Variants in JMJD6 observed in about 807,000 individuals in gnomAD.
JMJD6 encodes the protein bifunctional arginine demethylase and lysyl-hydroxylase JMJD6.
Under a neutral mutation model 45.8 loss-of-function variants are expected in JMJD6, and 17 were observed. The observed-to-expected ratio is 0.37, with a 90% CI of 0.25 to 0.56. The LOEUF is 0.56. Among genes scored for constraint, JMJD6 ranks in the 20% least tolerant of loss-of-function variants. The probability of loss-of-function intolerance (pLI) is 0.79; values close to 1 mark genes in which losing one functional copy is unlikely to be tolerated. For synonymous variants in JMJD6, 221 were observed against 196.3 expected, an observed-to-expected ratio of 1.13 and a Z score of -1.05; for missense variants, 470 against 517.5, an observed-to-expected ratio of 0.91 and a Z score of 0.89.
intron 3 of JMJD6, among the ~76,000 whole-genome samples, chr17:76,723,400 T>G (rs570429285): frequency 1.3e-5 from 2 of 152,134 alleles, no homozygotes; most frequent in Non-Finnish European, 2.9e-5. Context: ...CTCTAACAGT[T>G]CTGCTCCAAA....
At chr17:76,720,217 T>C (rs1374125111) in intron 5 of JMJD6, 143 bp downstream of exon 5, 1 of 718,898 alleles carries the variant, frequency 1.4e-6, no homozygotes, top group Admixed American at 2.5e-5. Context: ...GCAGGAATGG[T>C]GACAACTGTG....
chr17:76,718,982 G>A lies in JMJD6; in HGVS notation c.1081-122C>T, dbSNP rs1383824635. The A allele has an allele frequency of 3.2e-6, 3 of 949,640 alleles. No individual in the cohort carries two copies. The East Asian group carries it at 8.1e-5, about 26-fold the overall frequency. The allele number at this position is 949,640 out of a possible 1,614,324, so 58.8% of individuals were successfully genotyped here. A position where few individuals can be genotyped will look rare whatever the true frequency, so the allele number is the denominator to read the frequency against. On this transcript the variant is annotated intron_variant, in intron 5 of 5. Coordinates refer to ENST00000397625, the MANE Select transcript of JMJD6 (RefSeq NM_015167.3). ...GTCACTTTCTCCCAAATGCAAAGCA[G>A]TCATTATGACAGCTCCACAATGTAG...
At chr17:76,720,680 C>G in intron 4 of JMJD6, 182 bp from the exon 5 acceptor site, 1 of 519,232 alleles carries the variant, frequency 1.9e-6, no homozygotes, top group Non-Finnish European at 3.5e-6. Context: ...AAACCCAATA[C>G]GGTGCCCATG....
At chr17:76,720,526 T>A in intron 4 of JMJD6, 28 bp from the exon 5 acceptor site, 1 of 1,610,990 alleles carries the variant, frequency 6.2e-7, no homozygotes. Flanking sequence ...TTGTTCTCAG[T>A]GCACTGACAG....
chr17:76,725,906 G>C, intron 1 of JMJD6, 51 bp from the exon 2 acceptor site: 1 of 1,462,562 alleles, frequency 6.8e-7, no homozygotes, highest in Non-Finnish European at 9.2e-7. Context: ...AAAAAGTCCA[G>C]TGGCAGATAA....
chr17:76,720,608 G>T, intron 4 of JMJD6, 110 bp from the exon 5 acceptor site: 1 of 1,072,498 alleles, frequency 9.3e-7, no homozygotes, highest in Non-Finnish European at 1.4e-6. Flanking sequence ...AATGCCAGGT[G>T]TGTCCGTTCA....
Position 76,726,362 on chromosome 17 carries a change from G to T in JMJD6, c.114C>A (p.Ser38Arg). 1 of 1,592,430 alleles carries T rather than the reference G, an allele frequency of 6.3e-7. No homozygotes were observed. The highest frequency in any genetic ancestry group is 1.1e-5 in the South Asian group (1 of 88,484). ...RHNYYESFSL[S>R]PAAVADNVER... ...ACCCGCTCACCGCCACGGCCGCCGG[G>T]CTCAGCGAGAAGCTCTCGTAGTAGT... is the stretch of plus-strand genomic sequence containing the variant. The change falls in exon 1 of 6, where the codon AGC becomes AGA. Residue 38 changes from serine (S) to arginine (R), a missense_variant. By Grantham distance (110) the Ser-to-Arg change is moderately radical. Transcript: ENST00000397625.
At chr17:76,718,997 C>G (rs531015551) in intron 5 of JMJD6, 137 bp from the exon 6 acceptor site, 1 of 818,430 alleles carries the variant, frequency 1.2e-6, no homozygotes, top group African/African-American at 1.7e-5. Flanking sequence ...TATGACAGCT[C>G]CACAATGTAG....
Position 76,718,673 on chromosome 17 carries a change from C to T in JMJD6, c.*56G>A. The T allele has an allele frequency of 6.3e-7, 1 of 1,588,106 alleles. No homozygotes were observed. The highest frequency in any genetic ancestry group is 8.6e-7 in the Non-Finnish European group (1 of 1,167,030). ...GCAGGACTGGACAGGCCACCCTCCC[C>T]AGGCCCTGCCCTTGCCGCGAGCGTG... On this transcript the variant is annotated 3_prime_UTR_variant, in exon 6 of 6. Transcript: ENST00000397625.
chr17:76,718,281 T>C (rs1423299126), downstream of JMJD6, among the ~76,000 whole-genome samples: 5 of 151,924 alleles, frequency 3.3e-5, no homozygotes, highest in African/African-American at 9.7e-5. Context: ...CGCCTCAGGT[T>C]CTGCAGAAGA....
downstream of JMJD6, chr17:76,715,825 A>T (rs1487095543): frequency 6.6e-6 from 1 of 152,272 alleles, no homozygotes; most frequent in Admixed American, 6.5e-5. Context: ...AGAAGTATCA[A>T]CAGACTGCAA....
At chr17:76,725,000 C>T (rs13341413) in intron 2 of JMJD6, among the ~76,000 whole-genome samples, 7,826 of 152,164 alleles carry the variant, frequency 0.051, 614 homozygotes, top group African/African-American at 0.17. Context: ...CCAGTAGGGC[C>T]CAGGCAGGCC....
chr17:76,715,026 G>C (rs2076754481), downstream of JMJD6: 2 of 152,082 alleles, frequency 1.3e-5, no homozygotes, highest in Admixed American at 6.5e-5. Flanking sequence ...CACGCCCCCT[G>C]GTGGCAAAGA....
chr17:76,725,149 C>G (rs898899895), intron 2 of JMJD6, among the ~76,000 whole-genome samples: 4 of 152,168 alleles, frequency 2.6e-5, no homozygotes, highest in Admixed American at 2.0e-4. Context: ...TGGCTCACAC[C>G]TGCAATCGCA....
intron 3 of JMJD6, among the ~76,000 whole-genome samples, chr17:76,722,194 C>G (rs2076834116): frequency 6.6e-6 from 1 of 152,222 alleles, no homozygotes; most frequent in East Asian, 1.9e-4. Context: ...GCAGTTGTGA[C>G]AGTCTGGCTT....
At chr17:76,720,577 T>C (rs1567998482) in intron 4 of JMJD6, 79 bp from the exon 5 acceptor site, 5 of 1,462,102 alleles carry the variant, frequency 3.4e-6, no homozygotes, top group Non-Finnish European at 4.8e-6. Context: ...TCGAGGCCTG[T>C]GTCTCTCAGA....
chr17:76,722,620 T>C (rs2076838597), intron 3 of JMJD6, among the ~76,000 whole-genome samples: 1 of 151,644 alleles, frequency 6.6e-6, no homozygotes, highest in Non-Finnish European at 1.5e-5. Context: ...CTGAGACGGG[T>C]GGGTTGCCTG....
intron 5 of JMJD6, 69 bp from the exon 6 acceptor site, chr17:76,718,929 C>G (rs1453965691): frequency 4.6e-6 from 7 of 1,505,552 alleles, no homozygotes; most frequent in Non-Finnish European, 6.4e-6. Context: ...AAACAAACCT[C>G]TGACCTCGGG....
intron 5 of JMJD6, 122 bp from the exon 6 acceptor site, chr17:76,718,982 G>C: frequency 6.3e-6 from 6 of 949,758 alleles, no homozygotes; most frequent in Non-Finnish European, 9.3e-6. Context: ...ATGCAAAGCA[G>C]TCATTATGAC....
Sources: allele counts gnomAD v4.1 joint callset (sites outside exome capture counted in the v4.1 genomes callset), GRCh38; gene constraint gnomAD v4.1.1; transcripts MANE v1.5; gene names NCBI Gene and HGNC (gene_info 2026-07-23, HGNC 2026-07-21).